GPC5: variants seen among roughly 807,000 people sequenced by gnomAD.
GPC5 encodes glypican-5.
GPC5 carries 47 observed loss-of-function variants against 53.9 expected under a neutral mutation model. The observed-to-expected ratio is 0.87, with a 90% CI of 0.69 to 1.11. The LOEUF (loss-of-function observed/expected upper bound fraction) is 1.11. GPC5 is among the 50% of genes most tolerant of loss of function. The pLI, the probability that GPC5 is intolerant of heterozygous loss-of-function variation, is 0.00. For missense variants in GPC5, 748 were observed against 713.1 expected (o/e 1.05, Z -0.56); for synonymous variants, 286 against 263.3 (o/e 1.09, Z -0.84).
At chr13:92,310,697 T>C (rs989473287) in intron 7 of GPC5, among the ~76,000 whole-genome samples, 1 of 152,192 alleles carries the variant, frequency 6.6e-6, no homozygotes, top group African/African-American at 2.4e-5. Flanking sequence ...TCTCTCATTT[T>C]CTATTTTAAA....
chr13:92,394,062 G>T (rs1875145729), intron 7 of GPC5, among the ~76,000 whole-genome samples: 1 of 152,048 alleles, frequency 6.6e-6, no homozygotes, highest in Non-Finnish European at 1.5e-5. Flanking sequence ...CCAAACATCA[G>T]TGGGTTACTT....
At chr13:91,691,221 T>G (rs1190535167) in intron 2 of GPC5, among the ~76,000 whole-genome samples, 1 of 152,184 alleles carries the variant, frequency 6.6e-6, no homozygotes, top group Non-Finnish European at 1.5e-5. Flanking sequence ...AGAGAATATT[T>G]TACACGTATT....
chr13:92,066,248 T>G (rs1371428614), intron 6 of GPC5, among the ~76,000 whole-genome samples: 1 of 152,016 alleles, frequency 6.6e-6, no homozygotes, highest in African/African-American at 2.4e-5. Context: ...TCACTGTATC[T>G]TTACTCAGAT....
intron 7 of GPC5, chr13:92,240,454 T>C (rs1213350658): frequency 6.6e-6 from 1 of 152,132 alleles, no homozygotes; most frequent in Admixed American, 6.6e-5. Context: ...AAAGAATCTG[T>C]TAAAAGAATG....
At chr13:91,737,735 G>A (rs112916218) in intron 4 of GPC5, among the ~76,000 whole-genome samples, 1,727 of 151,312 alleles carry the variant, frequency 0.011, 132 homozygotes, top group African/African-American at 0.041. Flanking sequence ...AACTATTTCA[G>A]GTCTTTGTGA....
At chr13:92,369,695 G>A (rs979968017) in intron 7 of GPC5, among the ~76,000 whole-genome samples, 9 of 152,240 alleles carry the variant, frequency 5.9e-5, no homozygotes, top group East Asian at 1.9e-4. Flanking sequence ...TCAGATCTTC[G>A]TATCATAAAA....
rs139820813 is a variant in GPC5, at chr13:92,016,278, T to C, written c.1401+108221T>C. Among the ~76,000 whole-genome samples the C allele has an allele frequency of 2.1e-3, 316 of 152,332 alleles. 3 individuals are homozygous for C. Among genetic ancestry groups the C allele is most frequent in the African/African-American group, 7.3e-3 (303 of 41,576 alleles). On this transcript the variant is annotated intron_variant, in intron 6 of 7. Coordinates refer to ENST00000377067, the MANE Select transcript of GPC5 (RefSeq NM_004466.6). The stretch of plus-strand genomic sequence containing the variant: ...AGTATTTCCAATATGTCAGACATAA[T>C]GTTATACATGTTTTTCATATATTAT...
chr13:91,527,311 A>C (rs1175762677), intron 2 of GPC5, among the ~76,000 whole-genome samples: 1 of 152,242 alleles, frequency 6.6e-6, no homozygotes, highest in Non-Finnish European at 1.5e-5. Flanking sequence ...AATTGGCCAA[A>C]GCAAAGTGGC....
intron 6 of GPC5, among the ~76,000 whole-genome samples, chr13:91,971,731 G>A (rs1014387603): frequency 6.6e-6 from 1 of 152,220 alleles, no homozygotes; most frequent in Non-Finnish European, 1.5e-5. Flanking sequence ...GTACCCAGTA[G>A]TCATTCAGAA....
At chr13:92,488,322 C>T (rs1474040863) in intron 7 of GPC5, among the ~76,000 whole-genome samples, 4 of 152,154 alleles carry the variant, frequency 2.6e-5, no homozygotes, top group South Asian at 2.1e-4. Flanking sequence ...TTATGCATCA[C>T]TTTTCCGTGA....
chr13:91,806,600 T>G (rs1442652223), intron 5 of GPC5, among the ~76,000 whole-genome samples: 1 of 152,182 alleles, frequency 6.6e-6, no homozygotes, highest in African/African-American at 2.4e-5. Flanking sequence ...AACACTGTAC[T>G]GTGTTAGCAC....
intron 5 of GPC5, among the ~76,000 whole-genome samples, chr13:91,842,683 A>C (rs2038802078): frequency 8.1e-6 from 1 of 122,996 alleles, no homozygotes; most frequent in South Asian, 3.4e-4. Context: ...CCAACCTGGG[A>C]GACACAGCGA....
At chr13:91,727,865 C>T (rs1384188423) in intron 3 of GPC5, among the ~76,000 whole-genome samples, 1 of 151,996 alleles carries the variant, frequency 6.6e-6, no homozygotes, top group African/African-American at 2.4e-5. Context: ...AAAATAATTA[C>T]TTAATTTTTT....
chr13:91,770,255 T>C (rs1356746538), intron 5 of GPC5, among the ~76,000 whole-genome samples: 3 of 152,162 alleles, frequency 2.0e-5, no homozygotes, highest in Non-Finnish European at 2.9e-5. Flanking sequence ...AGCATTTTCA[T>C]ATGTTCAGCA....
chr13:92,720,585 TAA>T (rs143140917), intron 7 of GPC5, among the ~76,000 whole-genome samples: 141 of 152,192 alleles, frequency 9.3e-4, no homozygotes, highest in Middle Eastern at 3.4e-3. Flanking sequence ...AATAAAAATA[TAA>T]GAGTATAATA....
intron 7 of GPC5, among the ~76,000 whole-genome samples, chr13:92,554,759 A>G (rs1882435756): frequency 6.6e-6 from 1 of 151,006 alleles, no homozygotes; most frequent in African/African-American, 2.4e-5. Context: ...GTATTTGAAA[A>G]TTTGATAGAA....
intron 7 of GPC5, among the ~76,000 whole-genome samples, chr13:92,282,547 T>G (rs1406563145): frequency 6.6e-6 from 1 of 152,202 alleles, no homozygotes; most frequent in Non-Finnish European, 1.5e-5. Flanking sequence ...ACAGCGGATC[T>G]TTTGGCAGAA....
At chr13:92,780,312 T>G (rs1348200054) in intron 7 of GPC5, among the ~76,000 whole-genome samples, 1 of 151,338 alleles carries the variant, frequency 6.6e-6, no homozygotes, top group African/African-American at 2.4e-5. Flanking sequence ...CTTAATATAA[T>G]TAAGTGTAAT....
intron 7 of GPC5, among the ~76,000 whole-genome samples, chr13:92,264,870 CTCTCTCTCTGTGTGTGTGTG>C (rs2042790980): frequency 1.7e-5 from 2 of 118,292 alleles, no homozygotes; most frequent in African/African-American, 8.0e-5. Flanking sequence ...CTCTCTCTCT[CTCTCTCTCTGTGTGTGTGTG>C]TGTGTGTGTG....
Sources: allele counts gnomAD v4.1 joint callset (sites outside exome capture counted in the v4.1 genomes callset), GRCh38; gene constraint gnomAD v4.1.1; transcripts MANE v1.5; gene names NCBI Gene and HGNC (gene_info 2026-07-23, HGNC 2026-07-21).